CACNA2D2: variants seen among roughly 807,000 people sequenced by gnomAD.
The protein encoded by CACNA2D2 is voltage-dependent calcium channel subunit alpha-2/delta-2.
A neutral mutation model predicts 166.4 loss-of-function variants in CACNA2D2; 48 were observed. The ratio of observed to expected loss-of-function variants is 0.29; its 90% CI spans 0.23 to 0.37. The LOEUF (loss-of-function observed/expected upper bound fraction) is 0.37, where lower values mean the gene tolerates loss of function less well. Ranked by LOEUF, CACNA2D2 falls within the 10% of genes least tolerant of loss-of-function variation. The probability of loss-of-function intolerance (pLI) is 1.00; values close to 1 mark genes in which losing one functional copy is unlikely to be tolerated. For missense variants in CACNA2D2, 1,122 were observed against 1,433.0 expected (o/e 0.78, Z 3.50); for synonymous variants, 561 against 573.7 (o/e 0.98, Z 0.32).
chr3:50,394,313 T>C (rs1297335007), intron 3 of CACNA2D2, 145 bp from the exon 4 acceptor site: 1 of 688,834 alleles, frequency 1.5e-6, no homozygotes, highest in Non-Finnish European at 2.6e-6. Context: ...CCCTCAGAGA[T>C]TCTCTGCCCC....
At chr3:50,383,197 G>C (rs1376856706) in intron 6 of CACNA2D2, among the ~76,000 whole-genome samples, 1 of 152,222 alleles carries the variant, frequency 6.6e-6, no homozygotes, top group Admixed American at 6.5e-5. Context: ...GGCTCGGGCA[G>C]GTGGCCTGCG....
At chr3:50,455,912 G>A (rs1051788841) in intron 2 of CACNA2D2, among the ~76,000 whole-genome samples, 1 of 151,816 alleles carries the variant, frequency 6.6e-6, no homozygotes, top group African/African-American at 2.4e-5. Flanking sequence ...TCCTCTCCTC[G>A]TTCTGCCCCC....
intron 2 of CACNA2D2, among the ~76,000 whole-genome samples, chr3:50,453,831 G>A (rs1709219250): frequency 6.6e-6 from 1 of 152,190 alleles, no homozygotes. Context: ...AGGGAATGGT[G>A]AGGGCCACGG....
At chr3:50,467,129 A>C (rs1709858211) in intron 2 of CACNA2D2, among the ~76,000 whole-genome samples, 1 of 152,140 alleles carries the variant, frequency 6.6e-6, no homozygotes, top group South Asian at 2.1e-4. Flanking sequence ...CTGGTGCCAC[A>C]CACCTGGGCC....
intron 1 of CACNA2D2, among the ~76,000 whole-genome samples, chr3:50,494,058 G>A (rs1294250548): frequency 6.6e-6 from 1 of 152,316 alleles, no homozygotes; most frequent in East Asian, 1.9e-4. Flanking sequence ...CAAGGTCCCA[G>A]CTAGCCCAAA....
Position 50,370,178 on chromosome 3 carries a change from C to T in CACNA2D2, c.2045+142G>A, listed in dbSNP as rs1704576811. On this transcript the variant is annotated intron_variant, in intron 23 of 37. Transcript: ENST00000424201. Reference sequence around the variant, plus strand: ...CATGGCCTGGGTATGCACACAGCCGCGCATACCGGGCGATGTATGGGGGCC... The same window carrying T: ...CATGGCCTGGGTATGCACACAGCCGTGCATACCGGGCGATGTATGGGGGCC... 9 of 670,556 alleles carry T rather than the reference C, an allele frequency of 1.3e-5. 1 individual carries two copies. The highest frequency in any genetic ancestry group is 6.9e-5 in the South Asian group (4 of 57,904). The allele number at this position is 670,556 out of a possible 1,614,324, so 41.5% of individuals were successfully genotyped here. A position where few individuals can be genotyped will look rare whatever the true frequency, so the allele number is the denominator to read the frequency against.
rs781198219 is a variant in CACNA2D2, at chr3:50,366,574, A to G, written c.2637+4T>C. The G allele has an allele frequency of 6.2e-7, 1 of 1,613,910 alleles. No homozygotes were observed. Among genetic ancestry groups the G allele is most frequent in the Admixed American group, 1.7e-5 (1 of 60,028 alleles). ...GGTCCAGGGTAGGTTCAGGGCACACACACCTCATTGTTAACCTCGCAGTCC... is the reference window on the plus strand; with the variant it reads ...GGTCCAGGGTAGGTTCAGGGCACACGCACCTCATTGTTAACCTCGCAGTCC... On this transcript the variant is annotated splice_donor_region_variant and intron_variant, in intron 30 of 37. Coordinates refer to ENST00000424201, the MANE Select transcript of CACNA2D2 (RefSeq NM_006030.4). The surrounding 1 kb of genome is among the most constrained non-coding windows in gnomAD (Gnocchi z 5.9).
At chr3:50,406,637 T>A (rs1272321185) in intron 3 of CACNA2D2, among the ~76,000 whole-genome samples, 4 of 151,628 alleles carry the variant, frequency 2.6e-5, no homozygotes, top group Non-Finnish European at 5.9e-5. Context: ...GTTACTCCCA[T>A]CACCATCAGC....
chr3:50,393,896 T>C (rs1166220156), intron 4 of CACNA2D2, among the ~76,000 whole-genome samples: 9 of 152,108 alleles, frequency 5.9e-5, no homozygotes, highest in African/African-American at 2.2e-4. Flanking sequence ...ACTCCACAGC[T>C]CCTCTGGAGT....
At chr3:50,421,644 G>A (rs1295850119) in intron 3 of CACNA2D2, among the ~76,000 whole-genome samples, 1 of 152,156 alleles carries the variant, frequency 6.6e-6, no homozygotes, top group Non-Finnish European at 1.5e-5. Flanking sequence ...CAGGGACACA[G>A]GAAGATGATC....
chr3:50,479,699 C>T (rs1197922144), intron 1 of CACNA2D2, among the ~76,000 whole-genome samples: 2 of 148,692 alleles, frequency 1.3e-5, no homozygotes, highest in African/African-American at 5.3e-5. Context: ...CTTGGAAAGA[C>T]AACGGATGCA....
intron 1 of CACNA2D2, among the ~76,000 whole-genome samples, chr3:50,490,256 G>C (rs1698469785): frequency 6.6e-6 from 1 of 152,170 alleles, no homozygotes; most frequent in African/African-American, 2.4e-5. Context: ...AGATACCATG[G>C]TTAGGACATT....
At chr3:50,434,258 T>A in intron 3 of CACNA2D2, 55 bp downstream of exon 3, 1 of 1,244,024 alleles carries the variant, frequency 8.0e-7, no homozygotes. Flanking sequence ...GTACAGGACC[T>A]CTCCACCTGG....
intron 3 of CACNA2D2, among the ~76,000 whole-genome samples, chr3:50,421,454 C>G (rs1707558087): frequency 6.6e-6 from 1 of 152,074 alleles, no homozygotes; most frequent in African/African-American, 2.4e-5. Context: ...TCACTGCTGT[C>G]CATAGATGAA....
chr3:50,479,255 G>C (rs929967263), intron 1 of CACNA2D2, among the ~76,000 whole-genome samples: 1 of 152,100 alleles, frequency 6.6e-6, no homozygotes, highest in Non-Finnish European at 1.5e-5. Context: ...TGGGCTGCAG[G>C]AACTGGCCTG....
In CACNA2D2 at chr3:50,482,108, A is replaced by T. The variant is rs1205469758; in HGVS notation, c.207-5909T>A. Among the ~76,000 whole-genome samples, 3 of 152,228 alleles carry T rather than the reference A, an allele frequency of 2.0e-5. No homozygotes were observed. The East Asian group carries it at 5.8e-4, about 29-fold the overall frequency. On this transcript the variant is annotated intron_variant, in intron 1 of 37. Transcript: ENST00000424201. ...CTGCAGTCTTCTGAAGGGGAAAGACAGGGTGGAGAGGCAAGCAGGCCACTC... is the reference window on the plus strand; with the variant it reads ...CTGCAGTCTTCTGAAGGGGAAAGACTGGGTGGAGAGGCAAGCAGGCCACTC...
chr3:50,367,531 G>A lies in CACNA2D2; in HGVS notation c.2298-34C>T. 3 of 1,610,272 alleles carry A rather than the reference G, an allele frequency of 1.9e-6. No homozygotes were observed. Among genetic ancestry groups the A allele is most frequent in the Non-Finnish European group, 2.5e-6 (3 of 1,176,796 alleles). ...CCCAAGAGGCAGACTGGTAGGTAAG[G>A]GGTGGCTTGTCGGGGACAGTGGTCT... On this transcript the variant is annotated intron_variant, in intron 26 of 37. Transcript: ENST00000424201. The surrounding 1 kb of genome is among the most constrained non-coding windows in gnomAD (Gnocchi z 6.5).
At chr3:50,446,447 G>C (rs1372735996) in intron 2 of CACNA2D2, among the ~76,000 whole-genome samples, 1 of 152,112 alleles carries the variant, frequency 6.6e-6, no homozygotes, top group Non-Finnish European at 1.5e-5. Flanking sequence ...ACCCTGTTTC[G>C]GACTCTGCCT....
At chr3:50,480,343 A>G (rs1697991277) in intron 1 of CACNA2D2, among the ~76,000 whole-genome samples, 2 of 152,124 alleles carry the variant, frequency 1.3e-5, no homozygotes, top group Non-Finnish European at 2.9e-5. Context: ...ATAGTTTTTA[A>G]TGGTCAAATC....
Sources: allele counts gnomAD v4.1 joint callset (sites outside exome capture counted in the v4.1 genomes callset), GRCh38; gene constraint gnomAD v4.1.1; non-coding constraint Gnocchi (gnomAD v3.1); transcripts MANE v1.5; gene names NCBI Gene and HGNC (gene_info 2026-07-23, HGNC 2026-07-21).